PCDHGB3: variants seen among roughly 807,000 people sequenced by gnomAD.
The protein encoded by PCDHGB3 is protocadherin gamma subfamily B, 3.
Under a neutral mutation model 59.2 loss-of-function variants are expected in PCDHGB3, and 40 were observed. That is an observed-to-expected ratio of 0.68 (90% CI 0.52 to 0.88). The LOEUF (loss-of-function observed/expected upper bound fraction) is 0.88. Ranked by LOEUF, PCDHGB3 falls within the 40% of genes least tolerant of loss-of-function variation. The pLI, the probability that PCDHGB3 is intolerant of heterozygous loss-of-function variation, is 0.00. For synonymous variants in PCDHGB3, 581 were observed against 503.6 expected, an observed-to-expected ratio of 1.15 and a Z score of -2.06; for missense variants, 1,309 against 1,187.9, an observed-to-expected ratio of 1.10 and a Z score of -1.50.
At chr5:141,420,259 G>A (rs775335307) in intron 1 of PCDHGB3, 8 of 1,564,678 alleles carry the variant, frequency 5.1e-6, no homozygotes, top group Non-Finnish European at 6.9e-6. Context: ...AAGCAGATAA[G>A]AAGATTCTTA....
chr5:141,411,538 C>G (rs1418802121), intron 1 of PCDHGB3: 1 of 152,268 alleles, frequency 6.6e-6, no homozygotes, highest in Non-Finnish European at 1.5e-5. Context: ...GAGCCCTGAT[C>G]TTGCCACTGC....
chr5:141,388,729 G>T (rs1407038729), intron 1 of PCDHGB3: 10 of 1,614,012 alleles, frequency 6.2e-6, no homozygotes, highest in Non-Finnish European at 8.5e-6. Context: ...TTCTCTTTCA[G>T]TGAAGCTAGC....
chr5:141,429,234 T>C (rs2097199038), intron 1 of PCDHGB3: 1 of 152,114 alleles, frequency 6.6e-6, no homozygotes, highest in African/African-American at 2.4e-5. Context: ...ATGATACTGC[T>C]GTCATTGAGA....
At chr5:141,409,872 A>T in intron 1 of PCDHGB3, 1 of 1,612,828 alleles carries the variant, frequency 6.2e-7, no homozygotes. Context: ...GACCGCAATG[A>T]CAACGCACCG....
rs11953770 is a variant in PCDHGB3 at position 141,510,741 on chromosome 5, C to T, written c.2564-206C>T. On this transcript the variant is annotated intron_variant, in intron 3 of 3. Coordinates refer to ENST00000576222, the MANE Select transcript of PCDHGB3 (RefSeq NM_018924.5). ...TAAGGAAAGGAGCTAGGAATCAAACCTAGACTTTCTCACTCCAGAGCCTCT... is the reference window on the plus strand; with the variant it reads ...TAAGGAAAGGAGCTAGGAATCAAACTTAGACTTTCTCACTCCAGAGCCTCT... Among the ~76,000 whole-genome samples the T allele has an allele frequency of 2.6e-5, 4 of 152,138 alleles. No homozygotes were observed. In the South Asian group the frequency reaches 8.3e-4, roughly 32 times the overall value.
chr5:141,490,331 C>G lies in PCDHGB3; in HGVS notation c.2416-4476C>G. 6.2e-7 allele frequency: 1 copy of G among 1,614,214 alleles called. No individual in the cohort carries two copies. The highest frequency in any genetic ancestry group is 1.1e-5 in the South Asian group (1 of 91,086). The stretch of plus-strand genomic sequence containing the variant: ...GCCAACCCTGTCCTAGAGAGCACAC[C>G]AGTGGGCACAGTAGTGGGGTTGTTT... On this transcript the variant is annotated intron_variant, in intron 1 of 3. Transcript: ENST00000576222. This position sits in a 1 kb window ranked among gnomAD's most constrained non-coding sequence, Gnocchi z 5.4.
chr5:141,415,380 C>G (rs759710024), intron 1 of PCDHGB3: 1 of 1,614,250 alleles, frequency 6.2e-7, no homozygotes, highest in South Asian at 1.1e-5. Flanking sequence ...CAGGAGGCGG[C>G]TTGACAGGTG....
Position 141,490,503 on chromosome 5 carries a change from C to A in PCDHGB3, c.2416-4304C>A, listed in dbSNP as rs2099701103. On this transcript the variant is annotated intron_variant, in intron 1 of 3. Coordinates refer to ENST00000576222, the MANE Select transcript of PCDHGB3 (RefSeq NM_018924.5). The surrounding 1 kb of genome is among the most constrained non-coding windows in gnomAD (Gnocchi z 5.4). ...ACCGGGAGGCCACATCCCACTATAT[C>A]ATCGAGCTGCTGGCCAGCGATGCTG... 3.7e-6 allele frequency: 6 copies of A among 1,614,206 alleles called. No individual in the cohort carries two copies. In the African/African-American group the frequency reaches 8.0e-5, roughly 22 times the overall value.
At chr5:141,409,719 CAGTG>C (rs2095305881) in intron 1 of PCDHGB3, 2 of 1,613,090 alleles carry the variant, frequency 1.2e-6, no homozygotes, top group South Asian at 2.2e-5. Flanking sequence ...TCATACGTGT[CAGTG>C]AGCGCGCAGA....
At position 141,379,889 on chromosome 5, in the gene PCDHGB3, C is replaced by CTTT. The variant is rs70988800; in HGVS notation, c.2415+7108_2415+7110dup. On this transcript the variant is annotated intron_variant, in intron 1 of 3. Transcript: ENST00000576222. Reference sequence around the variant, plus strand: ...CTTATTTTATGGTCTGTGAAAGCCTCTTTTTTTTTTTTTTTTTTTTTTTTT... The same window carrying CTTT: ...CTTATTTTATGGTCTGTGAAAGCCTCTTTTTTTTTTTTTTTTTTTTTTTTTTTT... Among the ~76,000 whole-genome samples the CTTT allele has an allele frequency of 4.3e-3, 221 of 50,830 alleles. 36 individuals are homozygous for CTTT. The highest frequency in any genetic ancestry group is 5.4e-3 in the Non-Finnish European group (141 of 25,886). The allele number at this position is 50,830 out of a possible 152,430, so 33.3% of individuals were successfully genotyped here.
At chr5:141,498,863 G>A (rs1311199561) in intron 2 of PCDHGB3, among the ~76,000 whole-genome samples, 2 of 151,466 alleles carry the variant, frequency 1.3e-5, no homozygotes, top group South Asian at 2.1e-4. Context: ...AACCCAGGAG[G>A]CGGAGGTTGC....
chr5:141,487,590 C>G lies in PCDHGB3; in HGVS notation c.2416-7217C>G. 1 of 1,614,160 alleles carries G rather than the reference C, an allele frequency of 6.2e-7. No homozygotes were observed. Among genetic ancestry groups the G allele is most frequent in the Non-Finnish European group, 8.5e-7 (1 of 1,180,040 alleles). ...GAGCCTGTTCGCCCAAGCTGCCCACCCTCTGATCTTCTCTATGGGCTAGAG... is the reference window on the plus strand; with the variant it reads ...GAGCCTGTTCGCCCAAGCTGCCCACGCTCTGATCTTCTCTATGGGCTAGAG... On this transcript the variant is annotated intron_variant, in intron 1 of 3. Transcript: ENST00000576222. The surrounding 1 kb of genome is among the most constrained non-coding windows in gnomAD (Gnocchi z 5.0).
Position 141,372,404 on chromosome 5 carries a change from G to A in PCDHGB3, c.2010G>A (p.Glu670=), listed in dbSNP as rs761162819. The A allele has an allele frequency of 2.6e-5, 42 of 1,613,928 alleles. No individual in the cohort carries two copies. Among genetic ancestry groups the A allele is most frequent in the Non-Finnish European group, 2.8e-5 (33 of 1,179,906 alleles). ...TAATCTTCGCAGATAGCTTGCAAGAGATACAACCTGACCTTAGCGACCGCC... is the reference window on the plus strand; with the variant it reads ...TAATCTTCGCAGATAGCTTGCAAGAAATACAACCTGACCTTAGCGACCGCC... ...LHLIFADSLQ[E]IQPDLSDRPT... Residue 670 remains glutamate, a synonymous_variant, in exon 1 of 4, where the codon GAG becomes GAA. Transcript: ENST00000576222.
In PCDHGB3 at chr5:141,371,799, GCCT is replaced by G; in HGVS notation, c.1408_1410del (p.Ser470del). On this transcript the variant is annotated inframe_deletion, in exon 1 of 4. Coordinates refer to ENST00000576222, the MANE Select transcript of PCDHGB3 (RefSeq NM_018924.5). ...TGTAGCTGAGAACAATCCGCCTGGAGCCTCCATTGCGCATGTCAGAGCCTCGGA... is the reference window on the plus strand; with the variant it reads ...TGTAGCTGAGAACAATCCGCCTGGAGCCATTGCGCATGTCAGAGCCTCGGA... 1.3e-5 allele frequency: 21 copies of G among 1,613,926 alleles called. No homozygotes were observed. Among genetic ancestry groups the G allele is most frequent in the Non-Finnish European group, 1.7e-5 (20 of 1,179,900 alleles).
chr5:141,376,245 A>T (rs554556778), intron 1 of PCDHGB3: 4 of 1,614,180 alleles, frequency 2.5e-6, no homozygotes, highest in African/African-American at 1.3e-5. Context: ...CGCTGGCACA[A>T]GTCACGCCTG....
Position 141,487,323 on chromosome 5 carries a change from G to T in PCDHGB3, c.2416-7484G>T. The T allele has an allele frequency of 6.2e-7, 1 of 1,614,100 alleles. No homozygotes were observed. The highest frequency in any genetic ancestry group is 8.5e-7 in the Non-Finnish European group (1 of 1,180,004). On this transcript the variant is annotated intron_variant, in intron 1 of 3. Coordinates refer to ENST00000576222, the MANE Select transcript of PCDHGB3 (RefSeq NM_018924.5). This position sits in a 1 kb window ranked among gnomAD's most constrained non-coding sequence, Gnocchi z 5.0. ...GTGGCACTACTCTCTAAGTGTCTTC[G>T]TGGGGCAGCCTGTGGAGTCACATGC... is the stretch of plus-strand genomic sequence containing the variant.
At chr5:141,400,665 G>C (rs1463001564) in intron 1 of PCDHGB3, 5 of 984,364 alleles carry the variant, frequency 5.1e-6, no homozygotes, top group Non-Finnish European at 7.6e-6. Flanking sequence ...CATTCTTTAA[G>C]AGGAGCAGTA....
intron 1 of PCDHGB3, chr5:141,388,423 TGATA>T: frequency 2.5e-6 from 4 of 1,613,948 alleles, no homozygotes; most frequent in Non-Finnish European, 3.4e-6. Flanking sequence ...CATTTCTCAC[TGATA>T]AATAAAGAGA....
At chr5:141,410,803 C>A in intron 1 of PCDHGB3, 11 of 409,880 alleles carry the variant, frequency 2.7e-5, no homozygotes, top group East Asian at 1.2e-4. Context: ...GTTGCTCTAT[C>A]TTTTTGTAAA....
Sources: allele counts gnomAD v4.1 joint callset (sites outside exome capture counted in the v4.1 genomes callset), GRCh38; gene constraint gnomAD v4.1.1; non-coding constraint Gnocchi (gnomAD v3.1); transcripts MANE v1.5; gene names NCBI Gene and HGNC (gene_info 2026-07-23, HGNC 2026-07-21).